Variants in KIF5C observed in about 807,000 individuals in gnomAD.
KIF5C encodes kinesin family member 5C.
KIF5C carries 18 observed loss-of-function variants against 125.2 expected under a neutral mutation model. The ratio of observed to expected loss-of-function variants is 0.14; its 90% CI spans 0.10 to 0.21. The LOEUF is 0.21. KIF5C is among the 10% of genes least tolerant of loss of function. KIF5C has a pLI of 1.00. For synonymous variants in KIF5C, 405 were observed against 434.0 expected (o/e 0.93, Z 0.83); for missense variants, 780 against 1,183.8 (o/e 0.66, Z 5.01).
At chr2:148,919,524 A>C (rs963128780) in intron 1 of KIF5C, among the ~76,000 whole-genome samples, 18 of 152,226 alleles carry the variant, frequency 1.2e-4, no homozygotes, top group African/African-American at 4.1e-4. Flanking sequence ...GGTGGAATAA[A>C]AAATGGGCAA....
chr2:148,994,239 G>C (rs1681603323), intron 16 of KIF5C, among the ~76,000 whole-genome samples, 182 bp from the exon 17 acceptor site: 1 of 152,170 alleles, frequency 6.6e-6, no homozygotes, highest in African/African-American at 2.4e-5. Flanking sequence ...GGGAGAAGCA[G>C]AGGTCTGTCT....
At chr2:148,887,019 C>T (rs544825009) in intron 1 of KIF5C, among the ~76,000 whole-genome samples, 115 of 152,236 alleles carry the variant, frequency 7.6e-4, no homozygotes, top group Admixed American at 6.6e-3. Flanking sequence ...AGTAACATTG[C>T]GCTGTCCAAA....
At chr2:148,917,956 G>A (rs1681628062) in intron 1 of KIF5C, among the ~76,000 whole-genome samples, 2 of 152,070 alleles carry the variant, frequency 1.3e-5, no homozygotes, top group South Asian at 2.1e-4. Flanking sequence ...TCTTCAAAAC[G>A]TTTATGTGAA....
At chr2:149,000,089 C>T (rs962401796) in intron 19 of KIF5C, 1 of 211,406 alleles carries the variant, frequency 4.7e-6, no homozygotes, top group Middle Eastern at 1.6e-3. Flanking sequence ...TCCGAGGGGC[C>T]GAGGAAGCAG....
At chr2:148,958,379 A>G (rs1269446082) in intron 10 of KIF5C, among the ~76,000 whole-genome samples, 2 of 152,248 alleles carry the variant, frequency 1.3e-5, no homozygotes, top group African/African-American at 2.4e-5. Flanking sequence ...TAGCCATTCT[A>G]TTGGGTGTGG....
chr2:148,954,978 A>T (rs538060757), intron 10 of KIF5C, among the ~76,000 whole-genome samples: 1 of 152,186 alleles, frequency 6.6e-6, no homozygotes, highest in African/African-American at 2.4e-5. Context: ...GAGGGAAGAA[A>T]TACTGTGGGT....
intron 16 of KIF5C, among the ~76,000 whole-genome samples, chr2:148,992,661 T>C (rs1331275461): frequency 6.6e-6 from 1 of 152,184 alleles, no homozygotes; most frequent in Non-Finnish European, 1.5e-5. Flanking sequence ...CTGAGTTGGA[T>C]TTATATTGTG....
intron 25 of KIF5C, among the ~76,000 whole-genome samples, chr2:149,012,812 C>A (rs921048469): frequency 6.6e-6 from 1 of 152,244 alleles, no homozygotes; most frequent in Non-Finnish European, 1.5e-5. Context: ...ATGGTCTTGG[C>A]GGTGGGCCAC....
intron 13 of KIF5C, among the ~76,000 whole-genome samples, chr2:148,979,805 A>T (rs182502108): frequency 6.6e-6 from 1 of 152,172 alleles, no homozygotes; most frequent in Non-Finnish European, 1.5e-5. Context: ...AAGGAGGCAA[A>T]TTGTTTTCAG....
intron 11 of KIF5C, among the ~76,000 whole-genome samples, chr2:148,964,375 A>G (rs115187622): frequency 0.02 from 3,019 of 152,290 alleles, 104 homozygotes; most frequent in African/African-American, 0.067. Context: ...AAAATAATGT[A>G]TGATGATATA....
In KIF5C at chr2:148,924,174, T is replaced by C. The variant is rs558539750; in HGVS notation, c.217+1947T>C. On this transcript the variant is annotated intron_variant, in intron 2 of 25. Transcript: ENST00000435030. This position sits in a 1 kb window ranked among gnomAD's most constrained non-coding sequence, Gnocchi z 4.0. ...ATTTCAGAATCAGTAAGCTAAAACATAGAGGTACAAGAAAGAACTCCTTGG... is the reference window on the plus strand; with the variant it reads ...ATTTCAGAATCAGTAAGCTAAAACACAGAGGTACAAGAAAGAACTCCTTGG... 6.6e-5 allele frequency among the ~76,000 whole-genome samples: 10 copies of C among 152,296 alleles called. No individual in the cohort carries two copies. The highest frequency in any genetic ancestry group is 5.9e-4 in the Admixed American group (9 of 15,306).
At chr2:148,948,717 C>A (rs554830242) in intron 8 of KIF5C, among the ~76,000 whole-genome samples, 1 of 152,168 alleles carries the variant, frequency 6.6e-6, no homozygotes, top group Non-Finnish European at 1.5e-5. Context: ...GGCAGTTTGA[C>A]ATTTCTGGGG....
rs1344871852 is a variant in KIF5C, at chr2:148,924,017, C to G, written c.217+1790C>G. Among the ~76,000 whole-genome samples the G allele has an allele frequency of 1.3e-5, 2 of 152,176 alleles. No individual in the cohort carries two copies. The highest frequency in any genetic ancestry group is 2.9e-5 in the Non-Finnish European group (2 of 68,034). On this transcript the variant is annotated intron_variant, in intron 2 of 25. Coordinates refer to ENST00000435030, the MANE Select transcript of KIF5C (RefSeq NM_004522.3). This position sits in a 1 kb window ranked among gnomAD's most constrained non-coding sequence, Gnocchi z 4.0. ...TCAGGCGCTGACATGATATGACTAACAGACATTTCTAGGGTACCATAAATA... is the reference window on the plus strand; with the variant it reads ...TCAGGCGCTGACATGATATGACTAAGAGACATTTCTAGGGTACCATAAATA...
intron 1 of KIF5C, among the ~76,000 whole-genome samples, chr2:148,892,827 A>G (rs965962059): frequency 7.9e-5 from 12 of 152,250 alleles, no homozygotes; most frequent in Non-Finnish European, 1.8e-4. Flanking sequence ...TTCTAAGTCC[A>G]TCTGCTCATT....
At chr2:148,985,636 GA>G (rs1404087772) in intron 15 of KIF5C, among the ~76,000 whole-genome samples, 2 of 152,200 alleles carry the variant, frequency 1.3e-5, no homozygotes, top group Non-Finnish European at 2.9e-5. Flanking sequence ...ACAATTCCCT[GA>G]AACCAAATTC....
chr2:148,947,034 C>A lies in KIF5C; in HGVS notation c.714+11C>A, dbSNP rs749429143. ...GCTGGGAGCGAAAAGGTAATTTGTT[C>A]TTTATTTGTATTATCTATAATTTTC... On this transcript the variant is annotated intron_variant, in intron 8 of 25. Transcript: ENST00000435030. The A allele has an allele frequency of 5.6e-6, 9 of 1,604,386 alleles. No homozygotes were observed. In the African/African-American group the frequency reaches 1.2e-4, roughly 22 times the overall value.
intron 12 of KIF5C, 86 bp from the exon 13 acceptor site, chr2:148,978,836 C>T: frequency 1.4e-6 from 2 of 1,460,268 alleles, no homozygotes; most frequent in Non-Finnish European, 1.8e-6. Context: ...TATCAGCAAG[C>T]TTATGGTAGC....
At chr2:148,976,967 T>C (rs1681094389) in intron 12 of KIF5C, among the ~76,000 whole-genome samples, 1 of 152,202 alleles carries the variant, frequency 6.6e-6, no homozygotes, top group Non-Finnish European at 1.5e-5. Flanking sequence ...ACAAGATCTT[T>C]AGAACCGGCA....
intron 1 of KIF5C, among the ~76,000 whole-genome samples, chr2:148,887,941 C>T (rs916271606): frequency 3.9e-5 from 6 of 152,248 alleles, no homozygotes; most frequent in African/African-American, 1.4e-4. Flanking sequence ...CTGGACCCTC[C>T]CCGCCCCTAT....
Sources: gnomAD v4.1 joint callset for allele counts (sites outside exome capture counted in the v4.1 genomes callset) on GRCh38, gnomAD v4.1.1 for gene constraint, Gnocchi (gnomAD v3.1) non-coding constraint, MANE v1.5 for transcripts, NCBI Gene and HGNC (gene_info 2026-07-23, HGNC 2026-07-21) for gene names.